Variants in FAT2 observed in about 807,000 individuals in gnomAD.
The protein encoded by FAT2 is protocadherin Fat 2.
Under a neutral mutation model 295.3 loss-of-function variants are expected in FAT2, and 150 were observed. The observed-to-expected ratio is 0.51, with a 90% confidence interval of 0.44 to 0.58. FAT2 has a LOEUF of 0.58. FAT2 is among the 20% of genes least tolerant of loss of function. The probability of loss-of-function intolerance (pLI) is 0.00; values close to 1 mark genes in which losing one functional copy is unlikely to be tolerated. For missense variants in FAT2, 4,868 were observed against 5,442.7 expected (o/e 0.89, Z 3.32); for synonymous variants, 2,026 against 2,150.3 (o/e 0.94, Z 1.60).
Position 151,568,392 on chromosome 5 carries a change from A to T in FAT2, c.540T>A (p.Asn180Lys). The change falls in exon 2 of 24, where the codon AAT becomes AAA. Residue 180 changes from asparagine to lysine, a missense_variant. Asn to Lys is a moderately conservative substitution (Grantham distance 94). Coordinates refer to ENST00000261800, the MANE Select transcript of FAT2 (RefSeq NM_001447.3). Reference protein sequence around the residue: ...VTATDADLGQNAEFYYAFNTR... With the variant: ...VTATDADLGQKAEFYYAFNTR... ...TGTTAAAGGCATAATAGAACTCAGC[A>T]TTCTGGCCTAGATCAGCATCTGTGG... 6.2e-7 allele frequency: 1 copy of T among 1,614,222 alleles called. No individual in the cohort carries two copies. The highest frequency in any genetic ancestry group is 8.5e-7 in the Non-Finnish European group (1 of 1,180,042).
chr5:151,506,854 A>G (rs1398284500), intron 23 of FAT2, among the ~76,000 whole-genome samples: 1 of 152,182 alleles, frequency 6.6e-6, no homozygotes, highest in East Asian at 1.9e-4. Context: ...AATGTGCAGA[A>G]GCCCCCTTCT....
At position 151,565,548 on chromosome 5, in the gene FAT2, A is replaced by G. The variant is rs189359129; in HGVS notation, c.3259+125T>C. On this transcript the variant is annotated intron_variant, in intron 2 of 23. Coordinates refer to ENST00000261800, the MANE Select transcript of FAT2 (RefSeq NM_001447.3). ...AAAATACACAGGAAAAAGAATCCCTATTTATTGCCTTTCATTTCAGCCTGC... is the reference window on the plus strand; with the variant it reads ...AAAATACACAGGAAAAAGAATCCCTGTTTATTGCCTTTCATTTCAGCCTGC... The G allele has an allele frequency of 3.4e-4, 310 of 915,072 alleles. No individual in the cohort carries two copies. In the African/African-American group the frequency reaches 4.6e-3, roughly 14 times the overall value. The allele number at this position is 915,072 out of a possible 1,614,324, so 56.7% of individuals were successfully genotyped here.
chr5:151,532,796 C>T (rs1754793272), intron 13 of FAT2, among the ~76,000 whole-genome samples: 1 of 152,202 alleles, frequency 6.6e-6, no homozygotes, highest in Non-Finnish European at 1.5e-5. Flanking sequence ...AGGTCCTCCC[C>T]CAGTGAGATG....
At chr5:151,551,262 C>T (rs536005012) in intron 7 of FAT2, among the ~76,000 whole-genome samples, 57 of 152,310 alleles carry the variant, frequency 3.7e-4, no homozygotes, top group African/African-American at 1.3e-3. Flanking sequence ...TTTAAACAAG[C>T]TTCCAATTAT....
intron 18 of FAT2, among the ~76,000 whole-genome samples, chr5:151,524,961 ATTTC>A (rs890149549): frequency 2.0e-5 from 3 of 152,112 alleles, no homozygotes; most frequent in Admixed American, 6.5e-5. Flanking sequence ...TAAAGATGTT[ATTTC>A]TTTCTTTATC....
At position 151,545,782 on chromosome 5, in the gene FAT2, T is replaced by C. The variant is rs1425824781; in HGVS notation, c.5345A>G (p.Asn1782Ser). 1 of 1,614,192 alleles carries C rather than the reference T, an allele frequency of 6.2e-7. No individual in the cohort carries two copies. Among genetic ancestry groups the C allele is most frequent in the Non-Finnish European group, 8.5e-7 (1 of 1,180,030 alleles). Residue 1782 changes from asparagine (N) to serine (S), a missense_variant, in exon 10 of 24, where the codon AAC (asparagine) becomes AGC (serine). Physicochemically the swap from Asn to Ser is conservative, Grantham distance 46. Transcript: ENST00000261800. ...PLYSMIMDKN[N>S]NPFVIHASDS... ...AGAGGCATGAATCACAAAGGGGTTG[T>C]TGTTTTTATCCATGATCATGCTATA... is the stretch of plus-strand genomic sequence containing the variant.
At chr5:151,517,894 T>G in intron 19 of FAT2, 129 bp from the exon 20 acceptor site, 1 of 1,160,360 alleles carries the variant, frequency 8.6e-7, no homozygotes, top group Non-Finnish European at 1.2e-6. Flanking sequence ...ATGAAGAAAC[T>G]AGGCTGGGTG....
chr5:151,529,420 A>T, intron 14 of FAT2, 28 bp from the exon 15 acceptor site: 1 of 1,606,390 alleles, frequency 6.2e-7, no homozygotes, highest in African/African-American at 1.3e-5. Flanking sequence ...GACAGCAGCA[A>T]TGAGGCAGTT....
rs538766689 is a variant in FAT2 at position 151,561,417 on chromosome 5, C to G, written c.3574+1908G>C. On this transcript the variant is annotated intron_variant, in intron 3 of 23. Transcript: ENST00000261800. ...CTTTTTTTTTTCTTTCTGAGACAGG[C>G]TCTTGTTCTGTCACCCAGGCTGGAG... Among the ~76,000 whole-genome samples, 5 of 151,998 alleles carry G rather than the reference C, an allele frequency of 3.3e-5. No homozygotes were observed. The South Asian group carries it at 8.3e-4, about 25-fold the overall frequency.
At chr5:151,517,316 A>G (rs28501077) in intron 20 of FAT2, among the ~76,000 whole-genome samples, 5 of 152,204 alleles carry the variant, frequency 3.3e-5, no homozygotes, top group African/African-American at 1.2e-4. Context: ...ACACTGGCCT[A>G]TTACTCAGCA....
chr5:151,558,461 C>CA (rs1478712873), intron 3 of FAT2, among the ~76,000 whole-genome samples: 3 of 151,732 alleles, frequency 2.0e-5, no homozygotes, highest in South Asian at 2.1e-4. Flanking sequence ...ACTAAAAATA[C>CA]AAAAAAAATT....
At chr5:151,530,616 C>T (rs1754486994) in intron 14 of FAT2, among the ~76,000 whole-genome samples, 1 of 152,100 alleles carries the variant, frequency 6.6e-6, no homozygotes, top group African/African-American at 2.4e-5. Context: ...AAACCAGTTT[C>T]GAAAAGACAT....
chr5:151,574,986 AG>A (rs1266199348), intron 1 of FAT2, among the ~76,000 whole-genome samples: 1 of 152,244 alleles, frequency 6.6e-6, no homozygotes, highest in Non-Finnish European at 1.5e-5. Flanking sequence ...CCAGGACTGC[AG>A]GGAAAACAGA....
intron 3 of FAT2, 38 bp downstream of exon 3, chr5:151,563,287 G>T (rs2127641249): frequency 6.3e-7 from 1 of 1,592,062 alleles, no homozygotes; most frequent in Non-Finnish European, 8.6e-7. Context: ...AACCACCATT[G>T]TAGAGATCCC....
At chr5:151,515,871 T>C (rs759060926) in intron 20 of FAT2, among the ~76,000 whole-genome samples, 1 of 152,234 alleles carries the variant, frequency 6.6e-6, no homozygotes, top group Non-Finnish European at 1.5e-5. Flanking sequence ...ATTGCAATTA[T>C]CTGCTCAAAA....
upstream of FAT2, among the ~76,000 whole-genome samples, chr5:151,594,791 G>A (rs1362751324): frequency 6.6e-6 from 1 of 152,186 alleles, no homozygotes; most frequent in Non-Finnish European, 1.5e-5. Flanking sequence ...CCTCTGACCA[G>A]GCAGCAGATT....
chr5:151,564,251 G>A (rs1758150072), intron 2 of FAT2, among the ~76,000 whole-genome samples: 1 of 152,220 alleles, frequency 6.6e-6, no homozygotes, highest in South Asian at 2.1e-4. Context: ...ATGCTGTACT[G>A]GCAGGGCCTG....
chr5:151,581,460 AC>A (rs1758953882), intron 1 of FAT2, among the ~76,000 whole-genome samples: 1 of 152,046 alleles, frequency 6.6e-6, no homozygotes, highest in African/African-American at 2.4e-5. Context: ...CCCTGAGCTA[AC>A]CCTCTGCTGA....
At chr5:151,508,313 G>T (rs1761050860) in intron 22 of FAT2, among the ~76,000 whole-genome samples, 1 of 152,174 alleles carries the variant, frequency 6.6e-6, no homozygotes, top group African/African-American at 2.4e-5. Context: ...CTTTTAAAAT[G>T]CAGACACCAC....
Sources: gnomAD v4.1 joint callset for allele counts (sites outside exome capture counted in the v4.1 genomes callset) on GRCh38, gnomAD v4.1.1 for gene constraint, MANE v1.5 for transcripts, NCBI Gene and HGNC (gene_info 2026-07-23, HGNC 2026-07-21) for gene names.